Variants in NXPH1 observed in about 807,000 individuals in gnomAD.
The protein encoded by NXPH1 is neurexophilin-1.
NXPH1 carries 5 observed loss-of-function variants against 23.7 expected under a neutral mutation model. The observed-to-expected ratio is 0.21, with a 90% CI of 0.11 to 0.44. NXPH1 has a LOEUF of 0.44. Ranked by LOEUF, NXPH1 falls within the 20% of genes least tolerant of loss-of-function variation. The pLI is 0.99. For missense variants in NXPH1, 324 were observed against 321.6 expected (o/e 1.01, Z -0.06); for synonymous variants, 144 against 122.2 (o/e 1.18, Z -1.18).
intron 2 of NXPH1, among the ~76,000 whole-genome samples, chr7:8,613,232 G>A (rs10275633): frequency 0.012 from 1,823 of 151,664 alleles, 41 homozygotes; most frequent in African/African-American, 0.042. Flanking sequence ...TAAGTTTTGC[G>A]CACATTTTCT....
At chr7:8,492,390 G>C (rs934596759) in intron 2 of NXPH1, among the ~76,000 whole-genome samples, 1 of 151,958 alleles carries the variant, frequency 6.6e-6, no homozygotes, top group African/African-American at 2.4e-5. Flanking sequence ...GTGATTGTAG[G>C]TGCACTGCTT....
At chr7:8,483,974 T>TC (rs1296978832) in intron 2 of NXPH1, among the ~76,000 whole-genome samples, 1 of 151,524 alleles carries the variant, frequency 6.6e-6, no homozygotes, top group East Asian at 1.9e-4. Context: ...CCTTTTTTTT[T>TC]TTTTTTTTAA....
chr7:8,656,198 A>C (rs923979811), intron 2 of NXPH1, among the ~76,000 whole-genome samples: 1 of 152,252 alleles, frequency 6.6e-6, no homozygotes, highest in Non-Finnish European at 1.5e-5. Context: ...AAAATATTCT[A>C]GTTCACTTCT....
intron 2 of NXPH1, among the ~76,000 whole-genome samples, chr7:8,746,956 A>G (rs145272844): frequency 6.6e-6 from 1 of 152,056 alleles, no homozygotes; most frequent in African/African-American, 2.4e-5. Context: ...CCGATTATAA[A>G]TTAATAATTT....
chr7:8,631,489 C>T (rs926601003), intron 2 of NXPH1, among the ~76,000 whole-genome samples: 11 of 152,112 alleles, frequency 7.2e-5, no homozygotes, highest in African/African-American at 2.7e-4. Flanking sequence ...AACAGATAAC[C>T]TTCAGAATGG....
intron 2 of NXPH1, among the ~76,000 whole-genome samples, chr7:8,490,161 A>C (rs1371684705): frequency 6.6e-6 from 1 of 152,060 alleles, no homozygotes; most frequent in Non-Finnish European, 1.5e-5. Flanking sequence ...CAAACCAAAT[A>C]TTTAAATGCT....
At chr7:8,672,226 G>C (rs1265701462) in intron 2 of NXPH1, among the ~76,000 whole-genome samples, 1 of 151,994 alleles carries the variant, frequency 6.6e-6, no homozygotes, top group Non-Finnish European at 1.5e-5. Flanking sequence ...CTATCGCAAG[G>C]ACAAAAAACC....
At chr7:8,731,970 C>T (rs1179369060) in intron 2 of NXPH1, among the ~76,000 whole-genome samples, 1 of 152,250 alleles carries the variant, frequency 6.6e-6, no homozygotes, top group Non-Finnish European at 1.5e-5. Flanking sequence ...TGATCTCAGA[C>T]TGCTGTGCTA....
At chr7:8,612,128 C>CT (rs200158903) in intron 2 of NXPH1, among the ~76,000 whole-genome samples, 3 of 151,470 alleles carry the variant, frequency 2.0e-5, no homozygotes, top group Non-Finnish European at 4.4e-5. Flanking sequence ...TTCTTTTTCT[C>CT]TTTTTTTTCC....
chr7:8,639,271 A>T (rs935542893), intron 2 of NXPH1, among the ~76,000 whole-genome samples: 3 of 152,212 alleles, frequency 2.0e-5, no homozygotes, highest in Non-Finnish European at 2.9e-5. Context: ...TGGAAAAAAA[A>T]TAGTCTGATA....
intron 2 of NXPH1, among the ~76,000 whole-genome samples, chr7:8,627,157 G>T (rs1024822806): frequency 6.6e-6 from 1 of 152,086 alleles, no homozygotes; most frequent in African/African-American, 2.4e-5. Context: ...CTTGGAAGAA[G>T]AAAAAGATTC....
chr7:8,592,953 G>A (rs1416628060), intron 2 of NXPH1, among the ~76,000 whole-genome samples: 1 of 151,500 alleles, frequency 6.6e-6, no homozygotes, highest in African/African-American at 2.4e-5. Context: ...ACTCCCACCT[G>A]CTCTCCTCAT....
intron 2 of NXPH1, among the ~76,000 whole-genome samples, chr7:8,688,936 A>G (rs1821187079): frequency 6.6e-6 from 1 of 152,126 alleles, no homozygotes; most frequent in Non-Finnish European, 1.5e-5. Flanking sequence ...ACATCTGTTA[A>G]TGTTTCTAGG....
rs1275090881 is a variant in NXPH1, at chr7:8,452,975, T to C, written c.54+17208T>C. Among the ~76,000 whole-genome samples, 179 of 152,086 alleles carry C rather than the reference T, an allele frequency of 1.2e-3. 2 individuals carry two copies. Among genetic ancestry groups the C allele is most frequent in the Non-Finnish European group, 1.0e-4 (7 of 67,984 alleles). On this transcript the variant is annotated intron_variant, in intron 2 of 2. Transcript: ENST00000405863. ...CTAGTTTGCTTTTCTGGGGAAAGTC[T>C]CATCAGAACATGTACCCCAGGAATA...
At position 8,571,015 on chromosome 7, in the gene NXPH1, GTCTATCTAATCTAA is replaced by G. The variant is rs1265765909; in HGVS notation, c.54+135253_54+135266del. Reference sequence around the variant, plus strand: ...TATATATATGTCTGTCTATCTGTCTGTCTATCTAATCTAATCTAATCTAATCTAATCTAATCTAA... The same window carrying G: ...TATATATATGTCTGTCTATCTGTCTGTCTAATCTAATCTAATCTAATCTAA... On this transcript the variant is annotated intron_variant, in intron 2 of 2. Transcript: ENST00000405863. Among the ~76,000 whole-genome samples the G allele has an allele frequency of 1.1e-4, 15 of 131,502 alleles. No individual in the cohort carries two copies. In the East Asian group the frequency reaches 1.3e-3, roughly 12 times the overall value. The allele number at this position is 131,502 out of a possible 152,430, so 86.3% of individuals were successfully genotyped here.
rs1028010266 is a variant in NXPH1 at position 8,704,995 on chromosome 7, C to T, written c.55-46013C>T. On this transcript the variant is annotated intron_variant, in intron 2 of 2. Transcript: ENST00000405863. ...ACTATGCACTTGGGAGAGAGAAATG[C>T]CCAAAATATATAGGGATTAGTAAAT... Among the ~76,000 whole-genome samples, 10 of 152,166 alleles carry T rather than the reference C, an allele frequency of 6.6e-5. No individual in the cohort carries two copies. In the East Asian group the frequency reaches 7.7e-4, roughly 12 times the overall value.
rs1045239319 is a variant in NXPH1 at position 8,752,003 on chromosome 7, A to C, written c.*234A>C. On this transcript the variant is annotated 3_prime_UTR_variant, in exon 3 of 3. Transcript: ENST00000405863. ...AGATTTTGAATTCACACCTGAAGACATGCTCTCACATATAGAGGTACACAA... is the reference window on the plus strand; with the variant it reads ...AGATTTTGAATTCACACCTGAAGACCTGCTCTCACATATAGAGGTACACAA... The C allele has an allele frequency of 6.1e-6, 3 of 490,458 alleles. No homozygotes were observed. Among genetic ancestry groups the C allele is most frequent in the Non-Finnish European group, 1.1e-5 (3 of 272,112 alleles). The allele number at this position is 490,458 out of a possible 1,614,324, so 30.4% of individuals were successfully genotyped here.
chr7:8,726,105 T>C (rs1373930301), intron 2 of NXPH1, among the ~76,000 whole-genome samples: 2 of 152,130 alleles, frequency 1.3e-5, no homozygotes, highest in Non-Finnish European at 2.9e-5. Flanking sequence ...TGGACTTCTA[T>C]TGGATAAGCT....
intron 2 of NXPH1, among the ~76,000 whole-genome samples, chr7:8,583,030 A>G (rs1818911027): frequency 6.6e-6 from 1 of 152,050 alleles, no homozygotes; most frequent in Non-Finnish European, 1.5e-5. Context: ...GGTGGCTGGC[A>G]TGTCAGCACC....
Sources: gnomAD v4.1 joint callset for allele counts (sites outside exome capture counted in the v4.1 genomes callset) on GRCh38, gnomAD v4.1.1 for gene constraint, MANE v1.5 for transcripts, NCBI Gene and HGNC (gene_info 2026-07-23, HGNC 2026-07-21) for gene names.